The following RIMS1 variants were observed in gnomAD, a reference collection of about 807,000 sequenced individuals.
RIMS1 encodes regulating synaptic membrane exocytosis protein 1.
A neutral mutation model predicts 214.1 loss-of-function variants in RIMS1; 83 were observed. The observed-to-expected ratio is 0.39, with a 90% CI of 0.32 to 0.47. RIMS1 has a LOEUF of 0.47. Ranked by LOEUF, RIMS1 falls within the 20% of genes least tolerant of loss-of-function variation. RIMS1 has a pLI of 0.99. For synonymous variants in RIMS1, 793 were observed against 786.8 expected (o/e 1.01, Z -0.13); for missense variants, 2,050 against 2,161.8 (o/e 0.95, Z 1.03).
intron 4 of RIMS1, among the ~76,000 whole-genome samples, chr6:72,127,596 A>G (rs1013097707): frequency 4.6e-5 from 7 of 152,120 alleles, no homozygotes; most frequent in African/African-American, 9.7e-5. Context: ...CCAGTCATCA[A>G]TTCTACACTG....
At chr6:72,096,390 A>G (rs2031693720) in intron 2 of RIMS1, among the ~76,000 whole-genome samples, 1 of 152,236 alleles carries the variant, frequency 6.6e-6, no homozygotes, top group African/African-American at 2.4e-5. Flanking sequence ...GGGGGATAGA[A>G]GACAGATTGC....
intron 1 of RIMS1, among the ~76,000 whole-genome samples, chr6:71,914,033 A>T (rs1744018497): frequency 6.6e-6 from 1 of 152,164 alleles, no homozygotes; most frequent in South Asian, 2.1e-4. Context: ...TTTACTGCCC[A>T]TTTTAGGAAA....
intron 2 of RIMS1, among the ~76,000 whole-genome samples, chr6:72,062,905 C>G (rs977537533): frequency 6.6e-6 from 1 of 152,086 alleles, no homozygotes; most frequent in Non-Finnish European, 1.5e-5. Flanking sequence ...CAAATTTCCC[C>G]TTTTCATAAG....
intron 27 of RIMS1, among the ~76,000 whole-genome samples, chr6:72,309,502 T>C (rs1353797416): frequency 6.6e-6 from 1 of 152,098 alleles, no homozygotes; most frequent in Non-Finnish European, 1.5e-5. Context: ...CTTACATCAT[T>C]GAAATGAACA....
chr6:71,904,748 A>T (rs1176412599), intron 1 of RIMS1, among the ~76,000 whole-genome samples: 1 of 152,232 alleles, frequency 6.6e-6, no homozygotes, highest in Non-Finnish European at 1.5e-5. Flanking sequence ...AAAATGGAAT[A>T]TATAAGTCAA....
chr6:72,398,112 G>T lies in RIMS1; in HGVS notation c.4619-137G>T, dbSNP rs2098800384. On this transcript the variant is annotated intron_variant, in intron 31 of 33. Transcript: ENST00000521978. Reference sequence around the variant, plus strand: ...CTGAGAAAGAAAAGTGGATTGTGGAGTGAGGGGTCTAAATATTAGTTTCTT... The same window carrying T: ...CTGAGAAAGAAAAGTGGATTGTGGATTGAGGGGTCTAAATATTAGTTTCTT... 6 of 547,892 alleles carry T rather than the reference G, an allele frequency of 1.1e-5. No homozygotes were observed. The Admixed American group carries it at 1.2e-4, about 11-fold the overall frequency. 33.9% of individuals were successfully genotyped at this position (547,892 alleles called of 1,614,324 possible). A position where few individuals can be genotyped will look rare whatever the true frequency, so the allele number is the denominator to read the frequency against.
At chr6:72,286,685 TAAG>T (rs1319169845) in intron 24 of RIMS1, among the ~76,000 whole-genome samples, 1 of 152,210 alleles carries the variant, frequency 6.6e-6, no homozygotes, top group Non-Finnish European at 1.5e-5. Context: ...TAAGAGCTGT[TAAG>T]AAGATACCTT....
At chr6:72,032,853 G>A (rs1033066849) in intron 2 of RIMS1, among the ~76,000 whole-genome samples, 1 of 152,094 alleles carries the variant, frequency 6.6e-6, no homozygotes, top group African/African-American at 2.4e-5. Flanking sequence ...TTGCCTTGTA[G>A]GGGAAAACAG....
intron 3 of RIMS1, among the ~76,000 whole-genome samples, chr6:72,098,152 TA>T (rs1201740458): frequency 1.3e-5 from 2 of 152,222 alleles, no homozygotes; most frequent in African/African-American, 4.8e-5. Context: ...GATATTTCTC[TA>T]TTTTGCACAT....
intron 29 of RIMS1, among the ~76,000 whole-genome samples, chr6:72,356,471 A>T (rs1226867112): frequency 6.6e-6 from 1 of 152,120 alleles, no homozygotes; most frequent in Non-Finnish European, 1.5e-5. Flanking sequence ...AAAAATAATG[A>T]GATGTGTCCA....
At chr6:72,245,443 T>G (rs2069013958) in intron 10 of RIMS1, among the ~76,000 whole-genome samples, 2 of 152,086 alleles carry the variant, frequency 1.3e-5, no homozygotes, top group South Asian at 4.1e-4. Context: ...GTAAAGCATA[T>G]TACTGATGTG....
chr6:72,105,889 G>T (rs2034642536), intron 4 of RIMS1, among the ~76,000 whole-genome samples: 1 of 152,060 alleles, frequency 6.6e-6, no homozygotes. Flanking sequence ...ACTAGACTAT[G>T]ACTATTCCTC....
chr6:72,374,089 AT>A (rs1180245609), intron 29 of RIMS1, among the ~76,000 whole-genome samples: 2 of 151,784 alleles, frequency 1.3e-5, no homozygotes, highest in Non-Finnish European at 2.9e-5. Context: ...TAATTTTTGT[AT>A]TTTTAGTAGA....
intron 1 of RIMS1, among the ~76,000 whole-genome samples, chr6:71,942,092 A>G (rs558209917): frequency 6.6e-6 from 1 of 152,282 alleles, no homozygotes; most frequent in Admixed American, 6.5e-5. Flanking sequence ...ATGCACCACC[A>G]TGGTGCCAGA....
intron 29 of RIMS1, among the ~76,000 whole-genome samples, chr6:72,372,244 A>G (rs988831276): frequency 6.6e-6 from 1 of 152,210 alleles, no homozygotes; most frequent in East Asian, 1.9e-4. Context: ...TGAAAGGAAA[A>G]TAAAAGGTAA....
At chr6:71,962,893 A>G (rs1390212634) in intron 1 of RIMS1, among the ~76,000 whole-genome samples, 2 of 152,106 alleles carry the variant, frequency 1.3e-5, no homozygotes, top group African/African-American at 4.8e-5. Context: ...CTTGCATTTC[A>G]CATTTCATAG....
intron 1 of RIMS1, among the ~76,000 whole-genome samples, chr6:71,936,349 A>C (rs1046543059): frequency 2.0e-5 from 3 of 150,330 alleles, no homozygotes; most frequent in African/African-American, 7.3e-5. Flanking sequence ...AAAAAAAAAA[A>C]AAAGAAAAGA....
intron 4 of RIMS1, among the ~76,000 whole-genome samples, chr6:72,130,168 A>G (rs898592054): frequency 2.0e-5 from 3 of 152,232 alleles, no homozygotes; most frequent in South Asian, 2.1e-4. Context: ...TTTTCTCTGA[A>G]TGCACCAATT....
chr6:71,969,183 A>G, intron 2 of RIMS1, 120 bp downstream of exon 2: 2 of 941,494 alleles, frequency 2.1e-6, no homozygotes, highest in Non-Finnish European at 3.5e-6. Flanking sequence ...TATGTAACAA[A>G]AAGGCTACTG....
Sources: allele counts gnomAD v4.1 joint callset (sites outside exome capture counted in the v4.1 genomes callset), GRCh38; gene constraint gnomAD v4.1.1; transcripts MANE v1.5; gene names NCBI Gene and HGNC (gene_info 2026-07-23, HGNC 2026-07-21).